Variants in PTPRD observed in about 807,000 individuals in gnomAD.
PTPRD encodes protein tyrosine phosphatase receptor type D, also known as receptor-type tyrosine-protein phosphatase delta.
In PTPRD, 34 loss-of-function variants were observed where a neutral mutation model predicts 214.5. That is an observed-to-expected ratio of 0.16 (90% CI 0.12 to 0.21). The LOEUF is 0.21. Ranked by LOEUF, PTPRD falls within the 10% of genes least tolerant of loss-of-function variation. The pLI, the probability that PTPRD is intolerant of heterozygous loss-of-function variation, is 1.00. For synonymous variants in PTPRD, 1,128 were observed against 845.7 expected (o/e 1.33, Z -5.79); for missense variants, 2,545 against 2,398.7 (o/e 1.06, Z -1.27).
At chr9:8,878,278 G>A (rs1587178028) in intron 11 of PTPRD, among the ~76,000 whole-genome samples, 1 of 152,028 alleles carries the variant, frequency 6.6e-6, no homozygotes, top group African/African-American at 2.4e-5. Context: ...TTCATTCCGG[G>A]CACAGACAAT....
chr9:9,824,545 C>A (rs975429424), intron 5 of PTPRD, among the ~76,000 whole-genome samples: 2 of 151,880 alleles, frequency 1.3e-5, no homozygotes, highest in African/African-American at 4.8e-5. Context: ...AAAATTAATA[C>A]AGCAAAAACC....
intron 25 of PTPRD, among the ~76,000 whole-genome samples, chr9:8,499,383 T>C (rs1438796271): frequency 2.0e-5 from 3 of 152,180 alleles, no homozygotes; most frequent in Non-Finnish European, 2.9e-5. Context: ...AACTCAAATA[T>C]GGTTGTAAAG....
intron 14 of PTPRD, among the ~76,000 whole-genome samples, chr9:8,540,566 T>A (rs1808774894): frequency 6.6e-6 from 1 of 152,152 alleles, no homozygotes; most frequent in Admixed American, 6.6e-5. Context: ...AATGATAAAG[T>A]CTGATAAAAA....
intron 2 of PTPRD, among the ~76,000 whole-genome samples, chr9:10,426,579 G>A (rs546412273): frequency 6.6e-6 from 1 of 152,098 alleles, no homozygotes; most frequent in Non-Finnish European, 1.5e-5. Context: ...CCATTCTTAA[G>A]GAAACTGGAT....
intron 12 of PTPRD, among the ~76,000 whole-genome samples, chr9:8,669,965 AAAG>A (rs1233229068): frequency 1.3e-5 from 2 of 152,074 alleles, no homozygotes; most frequent in Non-Finnish European, 2.9e-5. Flanking sequence ...TACTTGTGCC[AAAG>A]AAGTTCAGAT....
intron 34 of PTPRD, among the ~76,000 whole-genome samples, chr9:8,446,587 C>T (rs755602251): frequency 5.3e-5 from 8 of 152,146 alleles, no homozygotes; most frequent in South Asian, 2.1e-4. Context: ...CATTGAAAGA[C>T]ATTTTTTGAA....
intron 11 of PTPRD, among the ~76,000 whole-genome samples, chr9:8,763,225 T>C (rs2094512949): frequency 6.6e-6 from 1 of 152,120 alleles, no homozygotes; most frequent in South Asian, 2.1e-4. Context: ...TCATAAATAA[T>C]GGTAGGCCAG....
At position 8,317,848 on chromosome 9, in the gene PTPRD, A is replaced by G. The variant is rs761512320; in HGVS notation, c.*26T>C. ...CCATGGATATTGAAGGGCCTGTAGT[A>G]AAAATCCAGAATGGGTCAGGGGTTT... On this transcript the variant is annotated 3_prime_UTR_variant, in exon 46 of 46. Transcript: ENST00000381196. 3 of 1,609,196 alleles carry G rather than the reference A, an allele frequency of 1.9e-6. No homozygotes were observed. The highest frequency in any genetic ancestry group is 2.2e-5 in the South Asian group (2 of 90,950).
At chr9:9,557,823 TGA>T (rs1179084168) in intron 8 of PTPRD, among the ~76,000 whole-genome samples, 1 of 152,192 alleles carries the variant, frequency 6.6e-6, no homozygotes, top group African/African-American at 2.4e-5. Context: ...TGCTGAAGTC[TGA>T]GGGGAGTGGG....
At chr9:9,574,003 T>G (rs2087500666) in intron 8 of PTPRD, among the ~76,000 whole-genome samples, 1 of 151,874 alleles carries the variant, frequency 6.6e-6, no homozygotes, top group Non-Finnish European at 1.5e-5. Flanking sequence ...GCCCACATTA[T>G]CTGGATTTTA....
intron 14 of PTPRD, among the ~76,000 whole-genome samples, chr9:8,607,605 T>C (rs2095279741): frequency 6.6e-6 from 1 of 152,058 alleles, no homozygotes; most frequent in South Asian, 2.1e-4. Context: ...ACTGCGCCAC[T>C]GCACTCCAGC....
chr9:10,474,888 G>A (rs116155282), intron 2 of PTPRD, among the ~76,000 whole-genome samples: 1,738 of 152,030 alleles, frequency 0.011, 31 homozygotes, highest in African/African-American at 0.039. Context: ...ATGACTACTC[G>A]GTAAATAAAT....
intron 3 of PTPRD, among the ~76,000 whole-genome samples, chr9:10,037,169 C>A (rs865888370): frequency 6.6e-6 from 1 of 152,014 alleles, no homozygotes; most frequent in African/African-American, 2.4e-5. Context: ...GGGATTACAG[C>A]ACCATGCACC....
At position 10,449,451 on chromosome 9, in the gene PTPRD, C is replaced by T. The variant is rs528402853; in HGVS notation, c.-599-108434G>A. Reference sequence around the variant, plus strand: ...AAGTACCAAGATGGCAGCCTCCGCCCGGCGGCCACCCCGTCTGGGAAGTGA... The same window carrying T: ...AAGTACCAAGATGGCAGCCTCCGCCTGGCGGCCACCCCGTCTGGGAAGTGA... On this transcript the variant is annotated intron_variant, in intron 2 of 45. Transcript: ENST00000381196. 2.1e-3 allele frequency among the ~76,000 whole-genome samples: 316 copies of T among 151,810 alleles called. 5 individuals carry two copies. Among genetic ancestry groups the T allele is most frequent in the South Asian group, 3.9e-3 (19 of 4,816 alleles).
intron 10 of PTPRD, among the ~76,000 whole-genome samples, chr9:9,169,726 G>A (rs2099910912): frequency 6.6e-6 from 1 of 152,128 alleles, no homozygotes; most frequent in Non-Finnish European, 1.5e-5. Context: ...CCCCTGGGCT[G>A]ATTTTGGAAA....
chr9:9,586,111 T>C (rs997222737), intron 7 of PTPRD, among the ~76,000 whole-genome samples: 3 of 151,942 alleles, frequency 2.0e-5, no homozygotes, highest in South Asian at 4.1e-4. Context: ...CTAGTTGCGG[T>C]GGAGGTGGTA....
At chr9:9,232,370 C>T (rs1397515250) in intron 9 of PTPRD, among the ~76,000 whole-genome samples, 1 of 152,042 alleles carries the variant, frequency 6.6e-6, no homozygotes, top group Non-Finnish European at 1.5e-5. Context: ...TGCTATGCAC[C>T]ATCATTATAA....
chr9:9,800,552 A>G (rs776601747), intron 5 of PTPRD: 5 of 152,182 alleles, frequency 3.3e-5, no homozygotes, highest in Non-Finnish European at 5.9e-5. Flanking sequence ...ATAGGTCTGT[A>G]AAGAGAGAAC....
At chr9:8,542,430 C>A (rs2078714081) in intron 14 of PTPRD, among the ~76,000 whole-genome samples, 1 of 152,024 alleles carries the variant, frequency 6.6e-6, no homozygotes, top group Admixed American at 6.6e-5. Context: ...GGAAAAAGTT[C>A]AGAATAATTT....
Sources: allele counts gnomAD v4.1 joint callset (sites outside exome capture counted in the v4.1 genomes callset), GRCh38; gene constraint gnomAD v4.1.1; transcripts MANE v1.5; gene names NCBI Gene and HGNC (gene_info 2026-07-23, HGNC 2026-07-21).